Variants in LINGO2 observed in about 807,000 individuals in gnomAD.
LINGO2 encodes leucine rich repeat and Ig domain containing 2.
LINGO2 carries 14 observed loss-of-function variants against 30.6 expected under a neutral mutation model. The observed-to-expected ratio is 0.46, with a 90% CI of 0.30 to 0.72. LINGO2 has a LOEUF of 0.72. Among genes scored for constraint, LINGO2 ranks in the 30% least tolerant of loss-of-function variants. The probability of loss-of-function intolerance (pLI) is 0.07; values close to 1 mark genes in which losing one functional copy is unlikely to be tolerated. For synonymous variants in LINGO2, 317 were observed against 288.5 expected, an observed-to-expected ratio of 1.10 and a Z score of -1.00; for missense variants, 729 against 751.7, an observed-to-expected ratio of 0.97 and a Z score of 0.35.
intron 3 of LINGO2, among the ~76,000 whole-genome samples, chr9:28,333,229 C>T (rs1177742064): frequency 2.0e-5 from 3 of 152,150 alleles, no homozygotes; most frequent in African/African-American, 7.2e-5. Context: ...CAGATACTTA[C>T]ATTTGGGAAC....
chr9:29,048,221 G>A, the LINGO2 span, among the ~76,000 whole-genome samples: 1 of 151,494 alleles, frequency 6.6e-6, no homozygotes, highest in Non-Finnish European at 1.5e-5. Flanking sequence ...ATTTACAATA[G>A]CCACACATAA....
the LINGO2 span, among the ~76,000 whole-genome samples, chr9:29,160,317 GACA>G: frequency 6.6e-6 from 1 of 152,178 alleles, no homozygotes; most frequent in Admixed American, 6.5e-5. Flanking sequence ...TTTCTGAAGT[GACA>G]ACACTTGGGT....
intron 5 of LINGO2, among the ~76,000 whole-genome samples, chr9:27,979,784 A>T (rs1450884086): frequency 6.6e-6 from 1 of 152,014 alleles, no homozygotes; most frequent in East Asian, 1.9e-4. Context: ...ATTACTAGAA[A>T]TGGAAAACCA....
chr9:28,221,369 A>C (rs188345296), intron 4 of LINGO2, among the ~76,000 whole-genome samples: 2 of 150,846 alleles, frequency 1.3e-5, no homozygotes, highest in East Asian at 3.9e-4. Context: ...AAAAATGATA[A>C]TTGTGAGATA....
intron 2 of LINGO2, among the ~76,000 whole-genome samples, chr9:28,431,983 GATAT>G (rs751701706): frequency 2.6e-5 from 4 of 151,964 alleles, no homozygotes. Context: ...CAATATGATT[GATAT>G]ATAGTCATTG....
the LINGO2 span, among the ~76,000 whole-genome samples, chr9:28,801,235 A>G: frequency 6.6e-6 from 1 of 152,120 alleles, no homozygotes; most frequent in African/African-American, 2.4e-5. Context: ...ACAGCAATGC[A>G]AAGCTGTTCA....
At position 28,061,621 on chromosome 9, in the gene LINGO2, G is replaced by A. The variant is rs530277633; in HGVS notation, c.-86-49216C>T. Among the ~76,000 whole-genome samples the A allele has an allele frequency of 2.0e-5, 3 of 152,052 alleles. No homozygotes were observed. In the South Asian group the frequency reaches 6.2e-4, roughly 32 times the overall value. ...TGACCATGATGCCCATGCACCATGG[G>A]TACAGGAGCACAAGTGATCACCCAC... On this transcript the variant is annotated intron_variant, in intron 4 of 5. Transcript: ENST00000379992.
the LINGO2 span, among the ~76,000 whole-genome samples, chr9:28,756,681 T>C: frequency 9.2e-5 from 14 of 151,950 alleles, no homozygotes; most frequent in African/African-American, 2.7e-4. Flanking sequence ...CATGCTGTTC[T>C]AGTGATAGTG....
chr9:28,625,970 G>A (rs912313562), intron 1 of LINGO2, among the ~76,000 whole-genome samples: 1 of 151,856 alleles, frequency 6.6e-6, no homozygotes, highest in Non-Finnish European at 1.5e-5. Flanking sequence ...TTATTTACAA[G>A]TGTGTATGTT....
the LINGO2 span, among the ~76,000 whole-genome samples, chr9:28,857,575 G>A: frequency 6.6e-6 from 1 of 151,946 alleles, no homozygotes; most frequent in South Asian, 2.1e-4. Context: ...AGGCAGATTG[G>A]CAAAGGGGCG....
At chr9:28,432,342 C>G (rs182542172) in intron 2 of LINGO2, among the ~76,000 whole-genome samples, 1 of 151,752 alleles carries the variant, frequency 6.6e-6, no homozygotes, top group East Asian at 1.9e-4. Flanking sequence ...TGAAGTTGTA[C>G]CTGAATTTCA....
rs148275943 is a variant in LINGO2 at position 28,211,761 on chromosome 9, G to A, written c.-87+83447C>T. Reference sequence around the variant, plus strand: ...ACTCTTCCTTCTTTCTCCCAGAAATGAGCAAATGCATATTCCTCAAATATT... The same window carrying A: ...ACTCTTCCTTCTTTCTCCCAGAAATAAGCAAATGCATATTCCTCAAATATT... On this transcript the variant is annotated intron_variant, in intron 4 of 5. Coordinates refer to ENST00000379992, the Ensembl canonical transcript of LINGO2. Among the ~76,000 whole-genome samples the A allele has an allele frequency of 1.2e-4, 18 of 151,372 alleles. No homozygotes were observed. The East Asian group carries it at 2.1e-3, about 18-fold the overall frequency.
At chr9:28,414,685 T>C (rs545160970) in intron 2 of LINGO2, among the ~76,000 whole-genome samples, 60 of 152,216 alleles carry the variant, frequency 3.9e-4, no homozygotes, top group Non-Finnish European at 6.8e-4. Context: ...TTTTGAAGGG[T>C]ATTAATGAGC....
chr9:28,992,716 A>T, the LINGO2 span, among the ~76,000 whole-genome samples: 17 of 152,154 alleles, frequency 1.1e-4, no homozygotes, highest in African/African-American at 3.9e-4. Flanking sequence ...AAACTCACTC[A>T]AAACCACTCA....
intron 1 of LINGO2, among the ~76,000 whole-genome samples, chr9:28,637,918 T>C (rs571499465): frequency 2.0e-5 from 3 of 152,300 alleles, no homozygotes; most frequent in East Asian, 3.9e-4. Context: ...AAGGGAATGT[T>C]TCCAGTTTTT....
chr9:28,026,745 C>T (rs1823396964), intron 4 of LINGO2, among the ~76,000 whole-genome samples: 1 of 152,174 alleles, frequency 6.6e-6, no homozygotes, highest in South Asian at 2.1e-4. Flanking sequence ...AGCATTGTAA[C>T]CTCACATTTG....
intron 3 of LINGO2, among the ~76,000 whole-genome samples, chr9:28,298,737 T>G (rs1158289690): frequency 1.3e-5 from 2 of 151,774 alleles, no homozygotes; most frequent in Admixed American, 1.3e-4. Flanking sequence ...AAATTACACC[T>G]CATTAATGTT....
At chr9:28,545,019 A>G (rs1318429694) in intron 1 of LINGO2, among the ~76,000 whole-genome samples, 1 of 151,910 alleles carries the variant, frequency 6.6e-6, no homozygotes, top group East Asian at 1.9e-4. Context: ...GTCATTGTCA[A>G]AGCAACCCTA....
the LINGO2 span, among the ~76,000 whole-genome samples, chr9:29,146,015 C>T: frequency 1.0e-3 from 157 of 152,178 alleles, 9 homozygotes; most frequent in East Asian, 0.024. Flanking sequence ...CACACATATA[C>T]ATTGGTAAGT....
Sources: allele counts gnomAD v4.1 joint callset (sites outside exome capture counted in the v4.1 genomes callset), GRCh38; gene constraint gnomAD v4.1.1; transcripts MANE v1.5; gene names NCBI Gene and HGNC (gene_info 2026-07-23, HGNC 2026-07-21).